Variants in ARMH3 observed in about 807,000 individuals in gnomAD.
ARMH3 encodes the protein armadillo like helical domain containing 3.
A neutral mutation model predicts 99.1 loss-of-function variants in ARMH3; 60 were observed. The observed-to-expected ratio is 0.61, with a 90% CI of 0.49 to 0.75. The LOEUF (loss-of-function observed/expected upper bound fraction) is 0.75, where lower values mean the gene tolerates loss of function less well. Ranked by LOEUF, ARMH3 falls within the 30% of genes least tolerant of loss-of-function variation. The pLI, the probability that ARMH3 is intolerant of heterozygous loss-of-function variation, is 0.00. For missense variants in ARMH3, 679 were observed against 843.1 expected (o/e 0.81, Z 2.41); for synonymous variants, 285 against 292.8 (o/e 0.97, Z 0.27).
intron 20 of ARMH3, among the ~76,000 whole-genome samples, chr10:101,965,473 C>T (rs778401343): frequency 3.3e-5 from 5 of 152,328 alleles, no homozygotes; most frequent in Middle Eastern, 3.4e-3. Context: ...AACACTGTGG[C>T]AATCTTCAAA....
rs186933240 is a variant in ARMH3, at chr10:101,937,476, G to A, written c.1781+2387C>T. Among the ~76,000 whole-genome samples the A allele has an allele frequency of 5.4e-3, 809 of 149,680 alleles. 9 individuals are homozygous for A. The highest frequency in any genetic ancestry group is 0.019 in the African/African-American group (771 of 40,554). ...GGAGGCTGCAGTGAGCAGAAATCGCGCCACTGCACTCCAGCCTGGGCGACA... is the reference window on the plus strand; with the variant it reads ...GGAGGCTGCAGTGAGCAGAAATCGCACCACTGCACTCCAGCCTGGGCGACA... On this transcript the variant is annotated intron_variant, in intron 23 of 25. Transcript: ENST00000370033.
At chr10:101,972,630 A>C (rs1845819377) in intron 20 of ARMH3, among the ~76,000 whole-genome samples, 1 of 152,224 alleles carries the variant, frequency 6.6e-6, no homozygotes, top group African/African-American at 2.4e-5. Context: ...TATACATGTG[A>C]CTGCATAGGA....
At chr10:101,885,997 C>T (rs918964702) in intron 24 of ARMH3, among the ~76,000 whole-genome samples, 2 of 150,778 alleles carry the variant, frequency 1.3e-5, no homozygotes, top group Non-Finnish European at 2.9e-5. Context: ...GCAGAGGTTG[C>T]GGTGAGCCAA....
At chr10:101,896,767 A>G (rs2067847280) in intron 23 of ARMH3, among the ~76,000 whole-genome samples, 1 of 152,184 alleles carries the variant, frequency 6.6e-6, no homozygotes, top group African/African-American at 2.4e-5. Flanking sequence ...GGACTATCCT[A>G]TAAATTACAG....
At chr10:101,856,867 G>A (rs2066749075) in intron 24 of ARMH3, among the ~76,000 whole-genome samples, 1 of 152,154 alleles carries the variant, frequency 6.6e-6, no homozygotes, top group Admixed American at 6.5e-5. Flanking sequence ...CCATAATGTG[G>A]AGGGGGCTGG....
chr10:101,974,439 A>G (rs1290408985), intron 20 of ARMH3, among the ~76,000 whole-genome samples: 1 of 152,186 alleles, frequency 6.6e-6, no homozygotes, highest in Non-Finnish European at 1.5e-5. Flanking sequence ...ATTTTATTGT[A>G]CCATCAGGTC....
At chr10:101,960,250 A>C (rs1845226181) in intron 20 of ARMH3, among the ~76,000 whole-genome samples, 1 of 152,162 alleles carries the variant, frequency 6.6e-6, no homozygotes, top group African/African-American at 2.4e-5. Flanking sequence ...CACAGATGGT[A>C]ATTCTTCTTC....
chr10:101,853,050 A>ATTTT (rs747143889), intron 24 of ARMH3, among the ~76,000 whole-genome samples: 2 of 129,570 alleles, frequency 1.5e-5, no homozygotes, highest in Non-Finnish European at 1.7e-5. Context: ...TGCTTGGCTA[A>ATTTT]TTTTTTTTTT....
rs2067623818 is a variant in ARMH3, at chr10:102,048,951, T to G, written c.-12+7134A>C. Reference sequence around the variant, plus strand: ...ACTTAAGGAGAATGCAGTTTTTCTATCTCCAAGCCCCAGCCCTTCAAGCTA... The same window carrying G: ...ACTTAAGGAGAATGCAGTTTTTCTAGCTCCAAGCCCCAGCCCTTCAAGCTA... On this transcript the variant is annotated intron_variant, in intron 1 of 25. Coordinates refer to ENST00000370033, the MANE Select transcript of ARMH3 (RefSeq NM_024541.3). Among the ~76,000 whole-genome samples, 3 of 151,864 alleles carry G rather than the reference T, an allele frequency of 2.0e-5. No homozygotes were observed. The South Asian group carries it at 6.2e-4, about 31-fold the overall frequency.
chr10:101,929,906 T>A (rs866839521), intron 23 of ARMH3, among the ~76,000 whole-genome samples: 1 of 152,226 alleles, frequency 6.6e-6, no homozygotes, highest in Middle Eastern at 3.4e-3. Context: ...ATTTTTTTTT[T>A]AAATTTTGGA....
At chr10:102,018,598 CA>C (rs1464302407) in intron 8 of ARMH3, among the ~76,000 whole-genome samples, 1 of 152,178 alleles carries the variant, frequency 6.6e-6, no homozygotes, top group African/African-American at 2.4e-5. Context: ...TCATTACTCA[CA>C]TATTTCTGGT....
intron 23 of ARMH3, among the ~76,000 whole-genome samples, chr10:101,896,583 T>C (rs1447212682): frequency 6.6e-6 from 1 of 152,222 alleles, no homozygotes; most frequent in East Asian, 1.9e-4. Context: ...CATATATAAA[T>C]GATTATGGCC....
chr10:101,944,261 TATATATATATATAGAGAGAGAGAGAGAG>T (rs1345315316), intron 22 of ARMH3, among the ~76,000 whole-genome samples: 1,301 of 66,936 alleles, frequency 0.019, 11 homozygotes, highest in South Asian at 0.056. Context: ...TATATATATA[TATATATATATATAGAGAGAGAGAGAGAG>T]AGAGAGAGAG....
intron 24 of ARMH3, among the ~76,000 whole-genome samples, chr10:101,871,413 GATTT>G (rs2067128688): frequency 6.6e-6 from 1 of 152,158 alleles, no homozygotes; most frequent in African/African-American, 2.4e-5. Flanking sequence ...CTGATTTCAA[GATTT>G]ATTATAGACA....
chr10:102,020,513 G>A (rs569498349), intron 8 of ARMH3, among the ~76,000 whole-genome samples: 7 of 151,954 alleles, frequency 4.6e-5, no homozygotes, highest in Non-Finnish European at 8.8e-5. Flanking sequence ...GTGAAACCCC[G>A]TCTCTACTAA....
chr10:101,998,796 A>G (rs984738015), intron 15 of ARMH3, among the ~76,000 whole-genome samples: 1 of 152,250 alleles, frequency 6.6e-6, no homozygotes, highest in Non-Finnish European at 1.5e-5. Context: ...GGCAAATAAG[A>G]GACTTCTAGA....
intron 20 of ARMH3, among the ~76,000 whole-genome samples, chr10:101,959,548 C>T (rs1427396411): frequency 1.3e-5 from 2 of 152,158 alleles, no homozygotes; most frequent in African/African-American, 4.8e-5. Flanking sequence ...TCAGCAGTGG[C>T]TATGTGGTAA....
At chr10:101,867,340 G>A (rs1250681148) in intron 24 of ARMH3, among the ~76,000 whole-genome samples, 1 of 152,132 alleles carries the variant, frequency 6.6e-6, no homozygotes, top group East Asian at 1.9e-4. Context: ...ATGACCCCAC[G>A]AATTCAGCAC....
chr10:101,951,773 C>T (rs915904761), intron 22 of ARMH3, among the ~76,000 whole-genome samples: 1 of 151,282 alleles, frequency 6.6e-6, no homozygotes. Context: ...GAGGCTAAGG[C>T]AGGAGAATCC....
Sources: gnomAD v4.1 joint callset for allele counts (sites outside exome capture counted in the v4.1 genomes callset) on GRCh38, gnomAD v4.1.1 for gene constraint, MANE v1.5 for transcripts, NCBI Gene and HGNC (gene_info 2026-07-23, HGNC 2026-07-21) for gene names.